Variants in ZCCHC14 observed in about 807,000 individuals in gnomAD.
ZCCHC14 encodes zinc finger CCHC-type containing 14, also known as zinc finger CCHC domain-containing protein 14.
In ZCCHC14, 16 loss-of-function variants were observed where a neutral mutation model predicts 85.0. The observed-to-expected ratio is 0.19, with a 90% CI of 0.13 to 0.29. The LOEUF (loss-of-function observed/expected upper bound fraction) is 0.29, where lower values mean the gene tolerates loss of function less well. ZCCHC14 is among the 10% of genes least tolerant of loss of function. The pLI, the probability that ZCCHC14 is intolerant of heterozygous loss-of-function variation, is 1.00. For missense variants in ZCCHC14, 1,303 were observed against 1,443.5 expected, an observed-to-expected ratio of 0.90 and a Z score of 1.58; for synonymous variants, 775 against 630.7, an observed-to-expected ratio of 1.23 and a Z score of -3.43.
chr16:87,411,435 G>A, intron 12 of ZCCHC14, 81 bp downstream of exon 12: 2 of 1,557,164 alleles, frequency 1.3e-6, no homozygotes, highest in East Asian at 2.3e-5. Flanking sequence ...AAAGAAAGAA[G>A]TTTACTCTTC....
rs184988890 is a variant in ZCCHC14, at chr16:87,447,743, A to G, written c.694+12265T>C. ...TCCCTAGGACGAGAACTGCAGGAATATAAGATACATTTATCACTTCATAAG... is the reference window on the plus strand; with the variant it reads ...TCCCTAGGACGAGAACTGCAGGAATGTAAGATACATTTATCACTTCATAAG... On this transcript the variant is annotated intron_variant, in intron 2 of 12. Transcript: ENST00000671377. 3.5e-3 allele frequency among the ~76,000 whole-genome samples: 537 copies of G among 152,364 alleles called. 2 individuals carry two copies. Among genetic ancestry groups the G allele is most frequent in the African/African-American group, 0.012 (501 of 41,590 alleles).
At chr16:87,487,976 G>A (rs1400256099) in intron 1 of ZCCHC14, among the ~76,000 whole-genome samples, 2 of 152,084 alleles carry the variant, frequency 1.3e-5, no homozygotes, top group African/African-American at 4.8e-5. Flanking sequence ...TGGGGGGAGG[G>A]GGAATGGGGA....
chr16:87,409,551 T>C lies in ZCCHC14; in HGVS notation c.*729A>G, dbSNP rs969448143. The C allele has an allele frequency of 6.6e-5, 10 of 152,420 alleles. No individual in the cohort carries two copies. Among genetic ancestry groups the C allele is most frequent in the African/African-American group, 2.4e-4 (10 of 41,468 alleles). The allele number at this position is 152,420 out of a possible 1,614,324, so 9.4% of individuals were successfully genotyped here. Reference sequence around the variant, plus strand: ...GTTGTTGCGAGTAAACTATTTCTATTTAATAACGTAGTTTAGATTTATTTG... The same window carrying C: ...GTTGTTGCGAGTAAACTATTTCTATCTAATAACGTAGTTTAGATTTATTTG... On this transcript the variant is annotated 3_prime_UTR_variant, in exon 13 of 13. Transcript: ENST00000671377.
At chr16:87,432,805 G>A (rs1909726952) in intron 3 of ZCCHC14, among the ~76,000 whole-genome samples, 1 of 152,166 alleles carries the variant, frequency 6.6e-6, no homozygotes, top group Non-Finnish European at 1.5e-5. Flanking sequence ...GAGGCACCAC[G>A]GCCCCGGGTT....
chr16:87,471,067 C>G (rs1911750891), intron 1 of ZCCHC14: 1 of 152,102 alleles, frequency 6.6e-6, no homozygotes, highest in Non-Finnish European at 1.5e-5. Context: ...CCGGGCACAT[C>G]AGGGGTTAAC....
At chr16:87,425,113 G>A (rs1353215629) in intron 3 of ZCCHC14, among the ~76,000 whole-genome samples, 1 of 152,024 alleles carries the variant, frequency 6.6e-6, no homozygotes, top group Non-Finnish European at 1.5e-5. Context: ...TCACTCCTGG[G>A]TCTGTTTCAT....
chr16:87,412,072 G>A lies in ZCCHC14; in HGVS notation c.2649C>T (p.Ser883=), dbSNP rs145031768. Residue 883 remains serine (S), a synonymous_variant, in exon 12 of 13, where the codon AGC becomes AGT. Transcript: ENST00000671377. ...TTCCTGTGGAGCCGCCACCGCCACT[G>A]CTGCTATAGAAACTGCTTTCAGGGA... ...SSVPESSFYS[S]SGGGGSTGNI... is the part of the protein sequence containing the mutation. 1.8e-5 allele frequency: 29 copies of A among 1,611,848 alleles called. No homozygotes were observed. In the African/African-American group the frequency reaches 2.9e-4, roughly 16 times the overall value.
chr16:87,478,342 G>A (rs1435187379), intron 1 of ZCCHC14, among the ~76,000 whole-genome samples: 2 of 152,202 alleles, frequency 1.3e-5, no homozygotes, highest in African/African-American at 4.8e-5. Flanking sequence ...TGAAGTTTTA[G>A]AATAGGCGAA....
chr16:87,491,547 G>A lies in ZCCHC14; in HGVS notation c.570+122C>T. The A allele has an allele frequency of 1.1e-6, 1 of 872,242 alleles. No homozygotes were observed. Among genetic ancestry groups the A allele is most frequent in the Non-Finnish European group, 1.6e-6 (1 of 641,204 alleles). 54.0% of individuals were successfully genotyped at this position (872,242 alleles called of 1,614,324 possible). ...CGTGGTGCAGGTTGGAGACCTGGGT[G>A]GGAGCTCTCAGTGCAGGCTGGAGGC... is the stretch of plus-strand genomic sequence containing the variant. On this transcript the variant is annotated intron_variant, in intron 1 of 12. Coordinates refer to ENST00000671377, the MANE Select transcript of ZCCHC14 (RefSeq NM_015144.3). The surrounding 1 kb of genome is among the most constrained non-coding windows in gnomAD (Gnocchi z 5.9).
chr16:87,490,252 C>T (rs1228648335), intron 1 of ZCCHC14, among the ~76,000 whole-genome samples: 1 of 152,202 alleles, frequency 6.6e-6, no homozygotes, highest in East Asian at 1.9e-4. Context: ...AAAACACACA[C>T]ATAAAAAACC....
chr16:87,441,476 T>C (rs1298660615), intron 2 of ZCCHC14, among the ~76,000 whole-genome samples: 4 of 152,214 alleles, frequency 2.6e-5, no homozygotes, highest in Non-Finnish European at 5.9e-5. Context: ...TTCATATTTA[T>C]TGTTTAAGTC....
intron 12 of ZCCHC14, among the ~76,000 whole-genome samples, chr16:87,410,638 A>G (rs1908387973): frequency 6.6e-6 from 1 of 152,214 alleles, no homozygotes; most frequent in African/African-American, 2.4e-5. Flanking sequence ...GCGTCCTTTC[A>G]CTGGGTGAGG....
chr16:87,484,826 G>C (rs548136106), intron 1 of ZCCHC14, among the ~76,000 whole-genome samples: 7 of 152,232 alleles, frequency 4.6e-5, no homozygotes, highest in African/African-American at 1.7e-4. Context: ...GAACCATTAT[G>C]GTTCTCTGTT....
At chr16:87,470,795 A>C (rs1245504530) in intron 1 of ZCCHC14, 1 of 152,270 alleles carries the variant, frequency 6.6e-6, no homozygotes, top group Non-Finnish European at 1.5e-5. Context: ...AACGTACATC[A>C]GTTGTGTGCA....
chr16:87,455,211 C>T (rs898342258), intron 2 of ZCCHC14, among the ~76,000 whole-genome samples: 1 of 152,120 alleles, frequency 6.6e-6, no homozygotes, highest in Non-Finnish European at 1.5e-5. Context: ...TCACTTGACC[C>T]CAGGAGGTGG....
In ZCCHC14 at chr16:87,413,163, G is replaced by T. The variant is rs1402772702; in HGVS notation, c.1636C>A (p.Gln546Lys). 6.3e-7 allele frequency: 1 copy of T among 1,597,610 alleles called. No individual in the cohort carries two copies. Residue 546 changes from glutamine to lysine, a missense_variant, in exon 11 of 13, where the codon CAG (glutamine) becomes AAG (lysine). By Grantham distance (53) the Gln-to-Lys change is moderately conservative (BLOSUM62 1). This residue lies in a region of ZCCHC14 where 58 missense variants were observed against 88.2 expected (regional missense o/e 0.66). Coordinates refer to ENST00000671377, the MANE Select transcript of ZCCHC14 (RefSeq NM_015144.3). ...GAGGAACTGCCTTCCCGGGGCAGCTGGTGATGGGGCTGCTCCACTTCCACC... is the reference window on the plus strand; with the variant it reads ...GAGGAACTGCCTTCCCGGGGCAGCTTGTGATGGGGCTGCTCCACTTCCACC... ...LRVEVEQPHH[Q>K]LPREGSSSEY...
intron 3 of ZCCHC14, among the ~76,000 whole-genome samples, chr16:87,428,597 C>T (rs1012221030): frequency 3.9e-5 from 6 of 152,106 alleles, no homozygotes; most frequent in South Asian, 2.1e-4. Flanking sequence ...ATGAACTGCA[C>T]GTATTTAAAG....
intron 6 of ZCCHC14, 136 bp downstream of exon 6, chr16:87,419,647 G>A (rs1908985480): frequency 3.4e-6 from 2 of 593,124 alleles, no homozygotes; most frequent in African/African-American, 3.9e-5. Context: ...TGTTGGTCAG[G>A]CTGGTCTTGA....
chr16:87,413,371 C>G (rs1908588323), intron 10 of ZCCHC14, among the ~76,000 whole-genome samples, 176 bp from the exon 11 acceptor site: 1 of 152,248 alleles, frequency 6.6e-6, no homozygotes, highest in African/African-American at 2.4e-5. Flanking sequence ...AGCAGAGATT[C>G]AAATGGCAGC....
Sources: allele counts gnomAD v4.1 joint callset (sites outside exome capture counted in the v4.1 genomes callset), GRCh38; gene constraint gnomAD v4.1.1; regional missense constraint gnomAD v4.1.1; non-coding constraint Gnocchi (gnomAD v3.1); transcripts MANE v1.5; gene names NCBI Gene and HGNC (gene_info 2026-07-23, HGNC 2026-07-21).